CCDC171: variants seen among roughly 807,000 people sequenced by gnomAD.
The protein encoded by CCDC171 is coiled-coil domain-containing protein 171.
CCDC171 carries 177 observed loss-of-function variants against 168.2 expected under a neutral mutation model. The ratio of observed to expected loss-of-function variants is 1.05; its 90% CI spans 0.93 to 1.19. The LOEUF (loss-of-function observed/expected upper bound fraction) is 1.19. Ranked by LOEUF, CCDC171 falls within the 50% of genes most tolerant of loss-of-function variation. The pLI is 0.00. For missense variants in CCDC171, 1,991 were observed against 1,539.0 expected (o/e 1.29, Z -4.91); for synonymous variants, 687 against 540.8 (o/e 1.27, Z -3.75).
intron 21 of CCDC171, among the ~76,000 whole-genome samples, chr9:15,793,221 CAAAG>C (rs1408786434): frequency 2.0e-5 from 3 of 151,646 alleles, no homozygotes; most frequent in African/African-American, 4.8e-5. Context: ...TCAAAAGAGA[CAAAG>C]AAGGCCATTA....
Position 15,972,995 on chromosome 9 carries a change from G to C in CCDC171, c.*1159G>C, listed in dbSNP as rs943147794. The C allele has an allele frequency of 1.3e-5, 2 of 152,130 alleles. No individual in the cohort carries two copies. Among genetic ancestry groups the C allele is most frequent in the African/African-American group, 4.8e-5 (2 of 41,434 alleles). 9.4% of individuals were successfully genotyped at this position (152,130 alleles called of 1,614,324 possible). A position where few individuals can be genotyped will look rare whatever the true frequency, so the allele number is the denominator to read the frequency against. On this transcript the variant is annotated 3_prime_UTR_variant, in exon 26 of 26. Transcript: ENST00000380701. ...TTTGGGTGCTTTGTGGCTTGACAAA[G>C]TGATGTTCTGTTGGGTATCGCTAGA...
chr9:15,803,859 T>A (rs917977326), intron 21 of CCDC171, among the ~76,000 whole-genome samples: 37 of 152,166 alleles, frequency 2.4e-4, no homozygotes, highest in Non-Finnish European at 1.5e-5. Flanking sequence ...CTTTGGGCAG[T>A]ATGGCTATTA....
At chr9:15,889,397 A>G (rs563339970) in intron 24 of CCDC171, among the ~76,000 whole-genome samples, 14 of 152,326 alleles carry the variant, frequency 9.2e-5, no homozygotes, top group African/African-American at 3.4e-4. Flanking sequence ...GCAATCAAAC[A>G]AAGGTTTTTT....
At chr9:15,571,804 A>AT (rs2040244615) in intron 3 of CCDC171, 45 bp downstream of exon 3, 2 of 1,510,212 alleles carry the variant, frequency 1.3e-6, no homozygotes, top group African/African-American at 1.4e-5. Flanking sequence ...GTTGAGTTTG[A>AT]TTTTTTAGAT....
At chr9:15,726,577 A>G (rs1311491025) in intron 14 of CCDC171, among the ~76,000 whole-genome samples, 2 of 152,146 alleles carry the variant, frequency 1.3e-5, no homozygotes, top group Admixed American at 1.3e-4. Context: ...TGATTTCTTA[A>G]ATTTGTTGTT....
intron 21 of CCDC171, among the ~76,000 whole-genome samples, chr9:15,829,075 C>G (rs962169314): frequency 2.1e-4 from 32 of 152,162 alleles, no homozygotes; most frequent in African/African-American, 7.5e-4. Flanking sequence ...ATCAATACTT[C>G]AAATATATTG....
chr9:15,570,562 C>G (rs1018993101), intron 2 of CCDC171, among the ~76,000 whole-genome samples: 1 of 152,102 alleles, frequency 6.6e-6, no homozygotes, highest in African/African-American at 2.4e-5. Context: ...AAAAAGATGA[C>G]TGGAAGCTCA....
At chr9:16,055,884 G>A (rs1017298446) in intron 1 of CCDC171, among the ~76,000 whole-genome samples, 11 of 152,180 alleles carry the variant, frequency 7.2e-5, no homozygotes, top group Admixed American at 4.6e-4. Flanking sequence ...GCAAGCAAGT[G>A]CTATTAAATC....
At chr9:15,648,655 C>T (rs569571171) in intron 7 of CCDC171, among the ~76,000 whole-genome samples, 1 of 152,064 alleles carries the variant, frequency 6.6e-6, no homozygotes, top group Non-Finnish European at 1.5e-5. Flanking sequence ...ACAGTTGCTA[C>T]AAATAGAATA....
intron 21 of CCDC171, among the ~76,000 whole-genome samples, chr9:15,810,241 A>C (rs537202601): frequency 1.3e-4 from 20 of 152,318 alleles, no homozygotes; most frequent in Admixed American, 2.6e-4. Flanking sequence ...ACCCTGAGCT[A>C]GACACAGAGT....
intron 4 of CCDC171, among the ~76,000 whole-genome samples, chr9:15,589,602 G>A (rs2041837927): frequency 6.6e-6 from 1 of 152,180 alleles, no homozygotes; most frequent in South Asian, 2.1e-4. Context: ...GTCCTTTGAA[G>A]AAGAGGGTTT....
intron 18 of CCDC171, among the ~76,000 whole-genome samples, chr9:15,763,932 A>G (rs970120459): frequency 6.6e-6 from 1 of 152,160 alleles, no homozygotes; most frequent in Non-Finnish European, 1.5e-5. Context: ...TAGGTACTCA[A>G]AGGCTTGGAA....
intron 10 of CCDC171, among the ~76,000 whole-genome samples, chr9:15,680,324 T>C (rs1287831203): frequency 6.6e-6 from 1 of 152,222 alleles, no homozygotes; most frequent in Non-Finnish European, 1.5e-5. Context: ...CTTTGTTTTG[T>C]TCTATACATA....
rs560431086 is a variant in CCDC171 at position 16,019,621 on chromosome 9, C to A, written n.369-968C>A. Among the ~76,000 whole-genome samples the A allele has an allele frequency of 1.1e-4, 17 of 152,188 alleles. No individual in the cohort carries two copies. The South Asian group carries it at 3.3e-3, about 30-fold the overall frequency. On this transcript the variant is annotated intron_variant and non_coding_transcript_variant, in intron 3 of 9. Coordinates refer to the CCDC171 transcript ENST00000486641. ...GAAAGACATGGTTAGAGAAATCTCA[C>A]CTTTTTTGGAAAGGCTACAGTCTAC...
the CCDC171 span, among the ~76,000 whole-genome samples, chr9:16,073,927 CT>C: frequency 2.0e-5 from 3 of 152,166 alleles, no homozygotes; most frequent in Non-Finnish European, 4.4e-5. Context: ...ACCTTCTTGT[CT>C]TTGGTAGAGT....
intron 1 of CCDC171, chr9:15,553,529 A>G (rs962784838): frequency 2.0e-5 from 3 of 152,436 alleles, no homozygotes; most frequent in African/African-American, 4.8e-5. Context: ...CCGGATGGGG[A>G]CCAGAGGGGA....
At chr9:15,931,204 A>T (rs532738344) in intron 25 of CCDC171, among the ~76,000 whole-genome samples, 1 of 151,724 alleles carries the variant, frequency 6.6e-6, no homozygotes, top group Non-Finnish European at 1.5e-5. Flanking sequence ...AACCCTACCA[A>T]CAGTGTGTAA....
At chr9:15,913,828 A>C (rs965066993) in intron 24 of CCDC171, among the ~76,000 whole-genome samples, 2 of 151,890 alleles carry the variant, frequency 1.3e-5, no homozygotes, top group African/African-American at 4.8e-5. Flanking sequence ...GAGTTTTTGC[A>C]TGCTTGTTCT....
intron 25 of CCDC171, among the ~76,000 whole-genome samples, chr9:15,951,239 C>T (rs1829124573): frequency 6.8e-6 from 1 of 146,362 alleles, no homozygotes; most frequent in Non-Finnish European, 1.5e-5. Context: ...AACAAGTATA[C>T]CCAGGAATTG....
Sources: allele counts gnomAD v4.1 joint callset (sites outside exome capture counted in the v4.1 genomes callset), GRCh38; gene constraint gnomAD v4.1.1; transcripts MANE v1.5; gene names NCBI Gene and HGNC (gene_info 2026-07-23, HGNC 2026-07-21).